DMD: variants seen among roughly 807,000 people sequenced by gnomAD.
The protein encoded by DMD is mutant dystrophin.
A neutral mutation model predicts 330.1 loss-of-function variants in DMD; 63 were observed. That is an observed-to-expected ratio of 0.19 (90% confidence interval 0.16 to 0.24). DMD has a LOEUF of 0.24. Among genes scored for constraint, DMD ranks in the 10% least tolerant of loss-of-function variants. The pLI is 1.00. For synonymous variants in DMD, 1,223 were observed against 959.8 expected (o/e 1.27, Z -5.07); for missense variants, 3,344 against 2,684.1 (o/e 1.25, Z -5.43).
intron 7 of DMD, among the ~76,000 whole-genome samples, chrX:32,740,945 CT>C (rs755142166): frequency 3.6e-5 from 4 of 111,416 alleles, no homozygotes; most frequent in Non-Finnish European, 5.7e-5. Context: ...AACTTAAGTT[CT>C]TTTCATTATA....
At chrX:33,161,889 T>G (rs1028538548) in intron 1 of DMD, among the ~76,000 whole-genome samples, 1 of 112,451 alleles carries the variant, frequency 8.9e-6, no homozygotes, top group East Asian at 2.8e-4. Context: ...CAAAATTAAT[T>G]GTCCAAGTTC....
At chrX:31,881,200 T>TA (rs899806214) in intron 47 of DMD, among the ~76,000 whole-genome samples, 26 of 109,971 alleles carry the variant, frequency 2.4e-4, no homozygotes, top group East Asian at 8.5e-4. Context: ...GTCAAAAACT[T>TA]AAAAAAAAAG....
intron 44 of DMD, among the ~76,000 whole-genome samples, chrX:32,186,579 C>T (rs1462132238): frequency 9.0e-6 from 1 of 111,203 alleles, no homozygotes; most frequent in African/African-American, 3.2e-5. Context: ...AATTTTGATT[C>T]TAGTTTTCCA....
chrX:31,258,084 T>C (rs1472390056), intron 63 of DMD, among the ~76,000 whole-genome samples: 2 of 112,647 alleles, frequency 1.8e-5, no homozygotes, highest in African/African-American at 6.5e-5. Context: ...TTACTATTCA[T>C]AGGTAAAACT....
In DMD at chrX:32,619,315, G is replaced by C. The variant is rs951444586; in HGVS notation, c.1332-4862C>G. On this transcript the variant is annotated intron_variant, in intron 11 of 78. Transcript: ENST00000357033. ...GTTACCAGAGGCTGAGGTGGTTATG[G>C]GGAAGGGGGAGGTATGGAGATACTT... Among the ~76,000 whole-genome samples, 21 of 111,019 alleles carry C rather than the reference G, an allele frequency of 1.9e-4. 1 individual carries two copies. Among genetic ancestry groups the C allele is most frequent in the African/African-American group, 6.6e-4 (20 of 30,522 alleles).
At chrX:31,151,734 G>A (rs2037441097) in intron 74 of DMD, among the ~76,000 whole-genome samples, 1 of 112,062 alleles carries the variant, frequency 8.9e-6, no homozygotes, top group African/African-American at 3.2e-5. Flanking sequence ...ATTTCTCTTG[G>A]GAGCACATTT....
intron 22 of DMD, among the ~76,000 whole-genome samples, chrX:32,471,102 C>A (rs1179450976): frequency 9.1e-6 from 1 of 110,291 alleles, no homozygotes; most frequent in Non-Finnish European, 1.9e-5. Flanking sequence ...GATGGTGAAA[C>A]CCCATCTTTA....
intron 44 of DMD, among the ~76,000 whole-genome samples, chrX:32,169,264 T>C (rs953487771): frequency 4.5e-5 from 5 of 111,986 alleles, no homozygotes; most frequent in African/African-American, 1.3e-4. Flanking sequence ...GGCTATATTA[T>C]AGTTAATGAT....
At chrX:32,319,161 T>C (rs2097597612) in intron 41 of DMD, among the ~76,000 whole-genome samples, 1 of 111,661 alleles carries the variant, frequency 9.0e-6, no homozygotes, top group Non-Finnish European at 1.9e-5. Flanking sequence ...GATAAAATTT[T>C]AGTCACTAAG....
chrX:32,557,784 T>C (rs2050475848), intron 16 of DMD, among the ~76,000 whole-genome samples: 1 of 111,071 alleles, frequency 9.0e-6, no homozygotes, highest in African/African-American at 3.3e-5. Flanking sequence ...GGAAGCTGAG[T>C]TACTAATCAC....
intron 30 of DMD, among the ~76,000 whole-genome samples, chrX:32,398,264 C>T (rs12381724): frequency 2.9e-5 from 1 of 34,790 alleles, no homozygotes; most frequent in Non-Finnish European, 4.5e-5. Context: ...TTTTTTTAAA[C>T]CCCCCCCCCC....
chrX:32,731,222 A>T (rs970889953), intron 7 of DMD, among the ~76,000 whole-genome samples: 7 of 112,186 alleles, frequency 6.2e-5, no homozygotes, highest in African/African-American at 2.3e-4. Flanking sequence ...AAAACGGCAC[A>T]CCAGGAGATT....
chrX:31,421,545 C>T (rs182709600), intron 60 of DMD, among the ~76,000 whole-genome samples: 6 of 111,360 alleles, frequency 5.4e-5, no homozygotes, highest in Non-Finnish European at 1.1e-4. Flanking sequence ...TCAAGTACAA[C>T]TAAACCTAGA....
intron 2 of DMD, among the ~76,000 whole-genome samples, chrX:32,925,403 C>T (rs767455732): frequency 9.1e-6 from 1 of 110,240 alleles, no homozygotes; most frequent in South Asian, 3.9e-4. Flanking sequence ...AAGAATAGAA[C>T]CCCTGATTCA....
intron 47 of DMD, among the ~76,000 whole-genome samples, chrX:31,908,304 T>G (rs868284990): frequency 9.0e-6 from 1 of 111,721 alleles, no homozygotes; most frequent in Non-Finnish European, 1.9e-5. Context: ...AGCAAAGACT[T>G]GGAACCAACC....
intron 1 of DMD, among the ~76,000 whole-genome samples, chrX:33,100,059 A>T (rs2095221722): frequency 8.9e-6 from 1 of 112,240 alleles, no homozygotes. Context: ...TTAAAAATAT[A>T]TGTAGAAACC....
chrX:32,512,121 A>T (rs2045404743), intron 18 of DMD, among the ~76,000 whole-genome samples: 1 of 112,033 alleles, frequency 8.9e-6, no homozygotes. Flanking sequence ...AGAAAAGTAA[A>T]ATAATTTGAA....
At chrX:33,013,322 A>G (rs2093735736) in intron 2 of DMD, among the ~76,000 whole-genome samples, 1 of 111,333 alleles carries the variant, frequency 9.0e-6, no homozygotes, top group African/African-American at 3.3e-5. Context: ...GTATACATAA[A>G]CAAAAAGTTC....
chrX:32,672,333 C>A (rs779198673), intron 9 of DMD, among the ~76,000 whole-genome samples: 11 of 110,720 alleles, frequency 9.9e-5, no homozygotes, highest in Non-Finnish European at 1.5e-4. Context: ...AAAAATAGAG[C>A]ATATTTTCTG....
Sources: allele counts gnomAD v4.1 joint callset (sites outside exome capture counted in the v4.1 genomes callset), GRCh38; gene constraint gnomAD v4.1.1; transcripts MANE v1.5; gene names NCBI Gene and HGNC (gene_info 2026-07-23, HGNC 2026-07-21).